Variants in HDAC10 observed in about 807,000 individuals in gnomAD.
HDAC10 encodes polyamine deacetylase HDAC10.
Under a neutral mutation model 82.3 loss-of-function variants are expected in HDAC10, and 90 were observed. The ratio of observed to expected loss-of-function variants is 1.09; its 90% CI spans 0.92 to 1.30. The LOEUF is 1.30. Among genes scored for constraint, HDAC10 ranks in the 50% most tolerant of loss-of-function variants. The probability of loss-of-function intolerance (pLI) is 0.00; values close to 1 mark genes in which losing one functional copy is unlikely to be tolerated. For synonymous variants in HDAC10, 456 were observed against 391.7 expected (o/e 1.16, Z -1.94); for missense variants, 934 against 876.3 (o/e 1.07, Z -0.83).
chr22:50,246,090 C>A lies in HDAC10; in HGVS notation c.1653G>T (p.Met551Ile). The change falls in exon 18 of 20, where the codon ATG becomes ATT. Residue 551 changes from methionine to isoleucine, a missense_variant and splice_region_variant. By Grantham distance (10) the Met-to-Ile change is conservative (BLOSUM62 1). Transcript: ENST00000216271. ...MFHVSTPLPV[M>I]TGGFLSCILG... Reference sequence around the variant, plus strand: ...AGATGCAGCTCAGGAAACCACCGGTCATCTGTGGGGACAGCAGAGCCCAGC... The same window carrying A: ...AGATGCAGCTCAGGAAACCACCGGTAATCTGTGGGGACAGCAGAGCCCAGC... The A allele has an allele frequency of 6.2e-7, 1 of 1,603,622 alleles. No homozygotes were observed. Among genetic ancestry groups the A allele is most frequent in the Non-Finnish European group, 8.5e-7 (1 of 1,173,780 alleles).
In HDAC10 at chr22:50,248,561, C is replaced by T. The variant is rs2065010982; in HGVS notation, c.907-89G>A. 6.7e-7 allele frequency: 1 copy of T among 1,483,808 alleles called. No individual in the cohort carries two copies. The highest frequency in any genetic ancestry group is 2.5e-5 in the East Asian group (1 of 40,586). 91.9% of individuals were successfully genotyped at this position (1,483,808 alleles called of 1,614,324 possible). ...AGCCCCTGCCTGGCTCTATCCCGGGCAGGACGCCCCTCCCAAATACCCCGT... is the reference window on the plus strand; with the variant it reads ...AGCCCCTGCCTGGCTCTATCCCGGGTAGGACGCCCCTCCCAAATACCCCGT... On this transcript the variant is annotated intron_variant, in intron 10 of 19. Coordinates refer to ENST00000216271, the MANE Select transcript of HDAC10 (RefSeq NM_032019.6). This position sits in a 1 kb window ranked among gnomAD's most constrained non-coding sequence, Gnocchi z 5.4.
At chr22:50,250,719 T>C (rs2065069548) in intron 2 of HDAC10, 52 bp downstream of exon 2, 3 of 1,500,150 alleles carry the variant, frequency 2.0e-6, no homozygotes, top group South Asian at 2.6e-5. Context: ...CTTAGGTTTC[T>C]AGCTGGGCTG....
chr22:50,249,150 C>A lies in HDAC10; in HGVS notation c.709G>T (p.Asp237Tyr). The A allele has an allele frequency of 6.2e-7, 1 of 1,604,038 alleles. No homozygotes were observed. The highest frequency in any genetic ancestry group is 8.5e-7 in the Non-Finnish European group (1 of 1,176,238). Reference sequence around the variant, plus strand: ...AGGTGCAGGAAGGCAGCCACGTAGTCAGCGTTTCCCATCCCAACCTGGCAG... The same window carrying A: ...AGGTGCAGGAAGGCAGCCACGTAGTAAGCGTTTCCCATCCCAACCTGGCAG... ...PWNQVGMGNADYVAAFLHLLL... is the reference protein window; with the variant it reads ...PWNQVGMGNAYYVAAFLHLLL... The change falls in exon 8 of 20, where the codon GAC (aspartate) becomes TAC (tyrosine). Residue 237 changes from aspartate to tyrosine, a missense_variant. Physicochemically the swap from Asp to Tyr is radical, Grantham distance 160. Transcript: ENST00000216271. This position sits in a 1 kb window ranked among gnomAD's most constrained non-coding sequence, Gnocchi z 4.4.
chr22:50,246,202 C>T (rs892293031), intron 17 of HDAC10, 96 bp downstream of exon 17: 8 of 1,523,278 alleles, frequency 5.3e-6, no homozygotes, highest in Non-Finnish European at 6.3e-6. Flanking sequence ...ACAGGAAGGA[C>T]CAGAGGCCTG....
At chr22:50,250,734 C>T in intron 2 of HDAC10, 37 bp downstream of exon 2, 1 of 1,525,582 alleles carries the variant, frequency 6.6e-7, no homozygotes, top group African/African-American at 1.4e-5. Context: ...GGGCTGCCCG[C>T]CCCGCCCCCC....
Position 50,248,031 on chromosome 22 carries a change from AGGAGG to A in HDAC10, c.1191_1195del (p.Leu398GlyfsTer29). On this transcript the variant is annotated frameshift_variant, in exon 13 of 20. Coordinates refer to ENST00000216271, the MANE Select transcript of HDAC10 (RefSeq NM_032019.6). LOFTEE classifies it high-confidence loss of function. The surrounding 1 kb of genome is among the most constrained non-coding windows in gnomAD (Gnocchi z 5.4). ...TGCGGGGCAGAGGCACGGCTGGTCC[AGGAGG>A]GAGCTCGGTGCAGATGCAGCTGCCT... The A allele has an allele frequency of 6.2e-7, 1 of 1,612,452 alleles. No homozygotes were observed. Among genetic ancestry groups the A allele is most frequent in the Non-Finnish European group, 8.5e-7 (1 of 1,179,836 alleles).
In HDAC10 at chr22:50,245,390, G is replaced by C; in HGVS notation, c.*117C>G. On this transcript the variant is annotated 3_prime_UTR_variant, in exon 20 of 20. Coordinates refer to ENST00000216271, the MANE Select transcript of HDAC10 (RefSeq NM_032019.6). ...GGCGGGGCGCGGGGATTGGGAGTGG[G>C]CGGGGTTCCGTGCCCCAGAGTCGAG... The C allele has an allele frequency of 1.4e-6, 1 of 697,828 alleles. No homozygotes were observed. The highest frequency in any genetic ancestry group is 2.6e-6 in the Non-Finnish European group (1 of 380,158). The allele number at this position is 697,828 out of a possible 1,614,324, so 43.2% of individuals were successfully genotyped here. A position where few individuals can be genotyped will look rare whatever the true frequency, so the allele number is the denominator to read the frequency against.
rs1355558567 is a variant in HDAC10, at chr22:50,249,505, C to G, written c.564-51G>C. ...GGTCAAAGGTCAGGACCCTCAACAG[C>G]TCTACAGCTCCCTGTAGAACGCTGA... On this transcript the variant is annotated intron_variant, in intron 6 of 19. Coordinates refer to ENST00000216271, the MANE Select transcript of HDAC10 (RefSeq NM_032019.6). The surrounding 1 kb of genome is among the most constrained non-coding windows in gnomAD (Gnocchi z 4.4). 34 of 1,608,624 alleles carry G rather than the reference C, an allele frequency of 2.1e-5. No homozygotes were observed. In the Admixed American group the frequency reaches 5.7e-4, roughly 27 times the overall value.
chr22:50,250,388 T>C (rs555064887), intron 3 of HDAC10, 39 bp downstream of exon 3: 3 of 1,579,816 alleles, frequency 1.9e-6, no homozygotes, highest in African/African-American at 2.7e-5. Context: ...GGCACGTGCA[T>C]GTGTGTCTGC....
At chr22:50,247,638 C>G (rs2064987427) in intron 14 of HDAC10, 54 bp downstream of exon 14, 1 of 1,356,276 alleles carries the variant, frequency 7.4e-7, no homozygotes. Flanking sequence ...TTGGCAGGTC[C>G]TGGTCCCTGC....
Position 50,248,482 on chromosome 22 carries a change from G to C in HDAC10, c.907-10C>G, listed in dbSNP as rs775752541. On this transcript the variant is annotated splice_polypyrimidine_tract_variant and intron_variant, in intron 10 of 19. Coordinates refer to ENST00000216271, the MANE Select transcript of HDAC10 (RefSeq NM_032019.6). This position sits in a 1 kb window ranked among gnomAD's most constrained non-coding sequence, Gnocchi z 5.4. Reference sequence around the variant, plus strand: ...CCAGGTGGTAGCCGCCCTGGGAGGAGGGTGGAGACATGATTGGGGCAGAGA... The same window carrying C: ...CCAGGTGGTAGCCGCCCTGGGAGGACGGTGGAGACATGATTGGGGCAGAGA... 3 of 1,601,732 alleles carry C rather than the reference G, an allele frequency of 1.9e-6. No individual in the cohort carries two copies. Among genetic ancestry groups the C allele is most frequent in the East Asian group, 4.5e-5 (2 of 44,678 alleles).
At position 50,250,992 on chromosome 22, in the gene HDAC10, G is replaced by C; in HGVS notation, c.41C>G (p.Thr14Ser). The change falls in exon 1 of 20, where the codon ACC becomes AGC. Residue 14 changes from threonine (T) to serine (S), a missense_variant. Transcript: ENST00000216271. ...CACTTACTCGTCCCAGAGCAGCCGG[G>C]TGGCCGTCATGTCCTCATGGTACAC... ...ALVYHEDMTA[T>S]RLLWDDPECE... is the part of the protein sequence containing the mutation. The C allele has an allele frequency of 6.2e-6, 10 of 1,612,596 alleles. No individual in the cohort carries two copies. Among genetic ancestry groups the C allele is most frequent in the Non-Finnish European group, 8.5e-6 (10 of 1,179,758 alleles).
Position 50,249,476 on chromosome 22 carries a change from C to T in HDAC10, c.564-22G>A, listed in dbSNP as rs1410685846. The T allele has an allele frequency of 6.2e-6, 10 of 1,612,168 alleles. No homozygotes were observed. Among genetic ancestry groups the T allele is most frequent in the South Asian group, 3.3e-5 (3 of 91,054 alleles). On this transcript the variant is annotated intron_variant, in intron 6 of 19. Transcript: ENST00000216271. The surrounding 1 kb of genome is among the most constrained non-coding windows in gnomAD (Gnocchi z 4.4). ...GACGCTGCCAACAGCCAGCCAGGGC[C>T]AGAGGTCAAAGGTCAGGACCCTCAA...
intron 13 of HDAC10, 49 bp from the exon 14 acceptor site, chr22:50,247,825 TCAGGCACACA>T (rs1569134705): frequency 6.8e-6 from 11 of 1,612,554 alleles, no homozygotes; most frequent in South Asian, 1.1e-5. Context: ...TGACCGCAGG[TCAGGCACACA>T]CAGGCACAGG....
chr22:50,246,434 GCA>G, intron 16 of HDAC10, 58 bp from the exon 17 acceptor site: 1 of 1,403,924 alleles, frequency 7.1e-7, no homozygotes, highest in Non-Finnish European at 1.0e-6. Context: ...AGCCCAAACC[GCA>G]GAGGCAGAGG....
Position 50,249,078 on chromosome 22 carries a change from C to T in HDAC10, c.756+25G>A. On this transcript the variant is annotated intron_variant, in intron 8 of 19. Coordinates refer to ENST00000216271, the MANE Select transcript of HDAC10 (RefSeq NM_032019.6). This position sits in a 1 kb window ranked among gnomAD's most constrained non-coding sequence, Gnocchi z 4.4. ...AAGGTCCCCCTCCCACCCGGCTGCC[C>T]TGGGGGAGCCCTCCGTGCAGTCACC... 1 of 1,577,754 alleles carries T rather than the reference C, an allele frequency of 6.3e-7. No homozygotes were observed. The highest frequency in any genetic ancestry group is 1.2e-5 in the South Asian group (1 of 86,454).
intron 16 of HDAC10, 54 bp from the exon 17 acceptor site, chr22:50,246,430 A>C: frequency 2.1e-6 from 3 of 1,443,982 alleles, no homozygotes; most frequent in Non-Finnish European, 2.9e-6. Flanking sequence ...CCTGAGCCCA[A>C]ACCGCAGAGG....
Position 50,249,633 on chromosome 22 carries a change from A to T in HDAC10, c.563+2T>A. Reference sequence around the variant, plus strand: ...AAGGGTGGTTTCCGCACCCCTGCTCACCTGGGGTCATCCTCAAAGAGATAC... The same window carrying T: ...AAGGGTGGTTTCCGCACCCCTGCTCTCCTGGGGTCATCCTCAAAGAGATAC... On this transcript the variant is annotated splice_donor_variant, in intron 6 of 19. Transcript: ENST00000216271. LOFTEE classifies it high-confidence loss of function. This position sits in a 1 kb window ranked among gnomAD's most constrained non-coding sequence, Gnocchi z 4.4. 1 of 1,612,870 alleles carries T rather than the reference A, an allele frequency of 6.2e-7. No homozygotes were observed. Among genetic ancestry groups the T allele is most frequent in the Non-Finnish European group, 8.5e-7 (1 of 1,179,964 alleles).
intron 14 of HDAC10, 193 bp downstream of exon 14, chr22:50,247,499 G>A (rs1376211600): frequency 8.0e-6 from 4 of 497,636 alleles, no homozygotes; most frequent in Admixed American, 7.3e-5. Context: ...AGAAGCTGAG[G>A]TCAGAGGTCA....
Sources: gnomAD v4.1 joint callset for allele counts on GRCh38, gnomAD v4.1.1 for gene constraint, Gnocchi (gnomAD v3.1) non-coding constraint, MANE v1.5 for transcripts, NCBI Gene and HGNC (gene_info 2026-07-23, HGNC 2026-07-21) for gene names.